Variants in LRBA observed in about 807,000 individuals in gnomAD.
LRBA encodes LPS responsive beige-like anchor protein.
Under a neutral mutation model 330.0 loss-of-function variants are expected in LRBA, and 176 were observed. The observed-to-expected ratio is 0.53, with a 90% CI of 0.47 to 0.60. The LOEUF (loss-of-function observed/expected upper bound fraction) is 0.60. Ranked by LOEUF, LRBA falls within the 20% of genes least tolerant of loss-of-function variation. LRBA has a pLI of 0.00. For synonymous variants in LRBA, 1,230 were observed against 1,193.0 expected (o/e 1.03, Z -0.64); for missense variants, 3,259 against 3,444.8 (o/e 0.95, Z 1.35).
intron 30 of LRBA, 84 bp downstream of exon 30, chr4:150,828,096 C>T: frequency 1.6e-6 from 2 of 1,267,568 alleles, no homozygotes; most frequent in Non-Finnish European, 1.1e-6. Context: ...TTTTCGGCTA[C>T]ACAGGGCGTC....
chr4:151,007,141 T>C (rs1744164969), intron 2 of LRBA, among the ~76,000 whole-genome samples: 1 of 152,182 alleles, frequency 6.6e-6, no homozygotes, highest in Non-Finnish European at 1.5e-5. Context: ...AATCCTTACA[T>C]TTATGCTCAA....
intron 37 of LRBA, among the ~76,000 whole-genome samples, chr4:150,632,971 T>C (rs1287517572): frequency 6.6e-6 from 1 of 152,232 alleles, no homozygotes; most frequent in Non-Finnish European, 1.5e-5. Context: ...TCTCATCCTA[T>C]GATCTCATCC....
At chr4:150,968,492 G>A (rs1315283967) in intron 2 of LRBA, among the ~76,000 whole-genome samples, 1 of 152,198 alleles carries the variant, frequency 6.6e-6, no homozygotes, top group Non-Finnish European at 1.5e-5. Context: ...AGTTTTAGTG[G>A]TCTGGATAGA....
intron 40 of LRBA, chr4:150,579,724 C>G (rs1345009723): frequency 2.2e-6 from 1 of 456,436 alleles, no homozygotes; most frequent in Non-Finnish European, 4.4e-6. Context: ...CTGGGACGCC[C>G]CACCCGAGAG....
At chr4:150,749,690 G>A (rs376246796) in intron 35 of LRBA, among the ~76,000 whole-genome samples, 25 of 152,078 alleles carry the variant, frequency 1.6e-4, no homozygotes, top group African/African-American at 5.8e-4. Context: ...TTAGCTAGGA[G>A]TATGTAGCTG....
intron 2 of LRBA, among the ~76,000 whole-genome samples, chr4:150,975,349 G>T (rs575130408): frequency 6.6e-6 from 1 of 151,996 alleles, no homozygotes; most frequent in African/African-American, 2.4e-5. Context: ...GGCCAACGTG[G>T]TGAAACCCCA....
At chr4:150,793,596 G>T (rs1330889367) in intron 34 of LRBA, among the ~76,000 whole-genome samples, 1 of 151,944 alleles carries the variant, frequency 6.6e-6, no homozygotes, top group African/African-American at 2.4e-5. Context: ...TGGACGCTGG[G>T]GATACAATAG....
At chr4:150,705,629 A>G (rs536380327) in intron 36 of LRBA, among the ~76,000 whole-genome samples, 13 of 152,202 alleles carry the variant, frequency 8.5e-5, no homozygotes, top group African/African-American at 1.2e-4. Flanking sequence ...GCAAGATTAA[A>G]GAAAAAACTA....
chr4:150,634,714 T>C (rs1165875775), intron 37 of LRBA, among the ~76,000 whole-genome samples: 1 of 152,212 alleles, frequency 6.6e-6, no homozygotes, highest in Admixed American at 6.5e-5. Flanking sequence ...TTTCTGAATC[T>C]TGGCTTCTGT....
At chr4:150,999,706 A>G (rs1045868317) in intron 2 of LRBA, among the ~76,000 whole-genome samples, 15 of 147,258 alleles carry the variant, frequency 1.0e-4, no homozygotes, top group Non-Finnish European at 2.1e-4. Context: ...AATTTAAAAA[A>G]CAAAACAAAA....
At chr4:150,950,100 T>C (rs1427131805) in intron 2 of LRBA, among the ~76,000 whole-genome samples, 1 of 152,130 alleles carries the variant, frequency 6.6e-6, no homozygotes, top group Non-Finnish European at 1.5e-5. Context: ...CATCTAAACC[T>C]TCATACAGAG....
intron 44 of LRBA, among the ~76,000 whole-genome samples, chr4:150,462,569 T>C (rs1168558121): frequency 6.6e-6 from 1 of 151,756 alleles, no homozygotes; most frequent in Non-Finnish European, 1.5e-5. Flanking sequence ...ATTACATTAA[T>C]TCAGCTTCAG....
chr4:150,934,013 G>C (rs1405030886), intron 2 of LRBA, among the ~76,000 whole-genome samples: 1 of 151,140 alleles, frequency 6.6e-6, no homozygotes, highest in Non-Finnish European at 1.5e-5. Flanking sequence ...GACAGGGCAA[G>C]ACCCTGTCTC....
At chr4:150,897,913 T>A (rs1730287061) in intron 14 of LRBA, 95 bp from the exon 15 acceptor site, 6 of 806,566 alleles carry the variant, frequency 7.4e-6, no homozygotes, top group Non-Finnish European at 1.2e-5. Flanking sequence ...TTTCCATGTG[T>A]TTGTAAGAAA....
At chr4:150,872,100 T>C (rs990368645) in intron 18 of LRBA, among the ~76,000 whole-genome samples, 2 of 152,174 alleles carry the variant, frequency 1.3e-5, no homozygotes, top group Non-Finnish European at 2.9e-5. Context: ...AAATAAATTA[T>C]TGTGGCTGTT....
chr4:150,325,906 G>C lies in LRBA; in HGVS notation c.7363-8C>G, dbSNP rs758142971. 1.3e-6 allele frequency: 2 copies of C among 1,563,682 alleles called. No individual in the cohort carries two copies. Among genetic ancestry groups the C allele is most frequent in the Non-Finnish European group, 1.8e-6 (2 of 1,135,078 alleles). Reference sequence around the variant, plus strand: ...GATTTGAGCTTCAACAGCCTGAAAAGGGCAGGGGCAAGTCTGAAGGTTAAG... The same window carrying C: ...GATTTGAGCTTCAACAGCCTGAAAACGGCAGGGGCAAGTCTGAAGGTTAAG... On this transcript the variant is annotated splice_polypyrimidine_tract_variant and splice_region_variant and intron_variant, in intron 48 of 56. Coordinates refer to ENST00000651943, the MANE Select transcript of LRBA (RefSeq NM_001364905.1).
intron 47 of LRBA, among the ~76,000 whole-genome samples, chr4:150,404,332 G>A (rs192504447): frequency 5.3e-5 from 8 of 152,276 alleles, no homozygotes; most frequent in Admixed American, 5.2e-4. Context: ...ATATATAGGG[G>A]TGTTTCTGAA....
At chr4:150,620,788 G>C (rs1054269164) in intron 37 of LRBA, among the ~76,000 whole-genome samples, 2 of 152,056 alleles carry the variant, frequency 1.3e-5, no homozygotes, top group Non-Finnish European at 2.9e-5. Context: ...TGATATAATG[G>C]ACTATGGGGA....
At chr4:150,815,275 G>T (rs1744397983) in intron 31 of LRBA, among the ~76,000 whole-genome samples, 1 of 150,058 alleles carries the variant, frequency 6.7e-6, no homozygotes, top group Non-Finnish European at 1.5e-5. Flanking sequence ...TTTTTTAAAG[G>T]ACTTTGGATG....
Sources: allele counts gnomAD v4.1 joint callset (sites outside exome capture counted in the v4.1 genomes callset), GRCh38; gene constraint gnomAD v4.1.1; transcripts MANE v1.5; gene names NCBI Gene and HGNC (gene_info 2026-07-23, HGNC 2026-07-21).